The following TMPRSS11D variants were observed in gnomAD, a reference collection of about 807,000 sequenced individuals.
The protein encoded by TMPRSS11D is transmembrane protease serine 11D.
In TMPRSS11D, 32 loss-of-function variants were observed where a neutral mutation model predicts 44.4. The observed-to-expected ratio is 0.72, with a 90% CI of 0.54 to 0.97. TMPRSS11D has a LOEUF of 0.97. Ranked by LOEUF, TMPRSS11D falls within the 50% of genes least tolerant of loss-of-function variation. The pLI, the probability that TMPRSS11D is intolerant of heterozygous loss-of-function variation, is 0.00. For missense variants in TMPRSS11D, 446 were observed against 502.6 expected (o/e 0.89, Z 1.08); for synonymous variants, 179 against 177.9 (o/e 1.01, Z -0.05).
rs557631511 is a variant in TMPRSS11D at position 67,827,045 on chromosome 4, A to G, written c.952+216T>C. Among the ~76,000 whole-genome samples the G allele has an allele frequency of 8.5e-5, 13 of 152,148 alleles. No individual in the cohort carries two copies. In the South Asian group the frequency reaches 2.5e-3, roughly 29 times the overall value. On this transcript the variant is annotated intron_variant, in intron 8 of 9. Coordinates refer to ENST00000283916, the MANE Select transcript of TMPRSS11D (RefSeq NM_004262.3). Reference sequence around the variant, plus strand: ...TCATAACTTTCTTTTACATTTTCCTATTACTATATTTGAGAATTCCCATAG... The same window carrying G: ...TCATAACTTTCTTTTACATTTTCCTGTTACTATATTTGAGAATTCCCATAG...
chr4:67,880,228 G>A (rs1378217607), intron 1 of TMPRSS11D, among the ~76,000 whole-genome samples: 1 of 152,182 alleles, frequency 6.6e-6, no homozygotes, highest in Non-Finnish European at 1.5e-5. Context: ...ATTAATAGAT[G>A]TCTCGTACCA....
At chr4:67,873,829 A>G (rs2109702013) in intron 1 of TMPRSS11D, among the ~76,000 whole-genome samples, 1 of 152,270 alleles carries the variant, frequency 6.6e-6, no homozygotes, top group African/African-American at 2.4e-5. Context: ...CTGAAGGCAT[A>G]ATAGATCCTT....
Position 67,830,444 on chromosome 4 carries a change from G to A in TMPRSS11D, c.692+2760C>T, listed in dbSNP as rs1042809710. Among the ~76,000 whole-genome samples, 81 of 152,010 alleles carry A rather than the reference G, an allele frequency of 5.3e-4. 1 individual carries two copies. The highest frequency in any genetic ancestry group is 1.9e-3 in the African/African-American group (79 of 41,422). ...CCTAAGGGTTGAGTAAAAACAAAAT[G>A]TTACCGATAATACCAATTTAGGAGT... is the stretch of plus-strand genomic sequence containing the variant. On this transcript the variant is annotated intron_variant, in intron 7 of 9. Coordinates refer to ENST00000283916, the MANE Select transcript of TMPRSS11D (RefSeq NM_004262.3).
chr4:67,863,710 CTA>C (rs1422830701), intron 1 of TMPRSS11D, among the ~76,000 whole-genome samples: 1 of 130,792 alleles, frequency 7.6e-6, no homozygotes, highest in Non-Finnish European at 1.7e-5. Context: ...TTAATCGTAA[CTA>C]TTTTAAGCTT....
chr4:67,865,677 A>C (rs564379358), intron 1 of TMPRSS11D, among the ~76,000 whole-genome samples: 2 of 151,954 alleles, frequency 1.3e-5, no homozygotes, highest in East Asian at 3.9e-4. Flanking sequence ...ACCATTAGAC[A>C]CTACTATGAA....
chr4:67,822,344 C>G lies in TMPRSS11D; in HGVS notation c.1250G>C (p.Gly417Ala). The change falls in exon 10 of 10, where the codon GGG becomes GCG. Residue 417 changes from glycine (G) to alanine (A), a missense_variant. Transcript: ENST00000283916. ...AYLDWIRQQTGI is the reference protein window; with the variant it reads ...AYLDWIRQQTAI ...AGGGATGCACTTGTTGCACTAGATC[C>G]CAGTTTGTTGCCTAATCCAGTCAAG... is the stretch of plus-strand genomic sequence containing the variant. 4 of 1,613,666 alleles carry G rather than the reference C, an allele frequency of 2.5e-6. No individual in the cohort carries two copies. Among genetic ancestry groups the G allele is most frequent in the Non-Finnish European group, 3.4e-6 (4 of 1,179,702 alleles).
chr4:67,824,888 G>A (rs1027890226), intron 9 of TMPRSS11D, among the ~76,000 whole-genome samples: 37 of 152,190 alleles, frequency 2.4e-4, no homozygotes, highest in African/African-American at 8.7e-4. Flanking sequence ...CTGCTACTGT[G>A]TGGAGTTGGA....
At chr4:67,868,903 G>A (rs1718990225) in intron 1 of TMPRSS11D, among the ~76,000 whole-genome samples, 1 of 152,192 alleles carries the variant, frequency 6.6e-6, no homozygotes, top group African/African-American at 2.4e-5. Flanking sequence ...GGGGCTATGT[G>A]TGTGGAAAAG....
intron 3 of TMPRSS11D, among the ~76,000 whole-genome samples, chr4:67,843,301 G>T (rs1051640388): frequency 7.9e-5 from 12 of 152,042 alleles, no homozygotes; most frequent in African/African-American, 2.9e-4. Context: ...GGGAAAAGAG[G>T]TGATGGTTAA....
At chr4:67,844,425 T>C (rs1222951908) in intron 3 of TMPRSS11D, among the ~76,000 whole-genome samples, 1 of 152,228 alleles carries the variant, frequency 6.6e-6, no homozygotes, top group African/African-American at 2.4e-5. Flanking sequence ...TTTATCAAAG[T>C]ACTTTATGTT....
At chr4:67,823,751 C>T (rs149130057) in intron 9 of TMPRSS11D, among the ~76,000 whole-genome samples, 1 of 152,238 alleles carries the variant, frequency 6.6e-6, no homozygotes, top group East Asian at 1.9e-4. Flanking sequence ...TGGTCGTCAC[C>T]TGCTTCTTTT....
chr4:67,877,400 C>T (rs1719217742), intron 1 of TMPRSS11D, among the ~76,000 whole-genome samples: 1 of 152,170 alleles, frequency 6.6e-6, no homozygotes, highest in African/African-American at 2.4e-5. Flanking sequence ...TAGGTCTGGT[C>T]TTGCATCTCA....
At chr4:67,863,343 A>AG (rs995299547) in intron 1 of TMPRSS11D, among the ~76,000 whole-genome samples, 2 of 150,642 alleles carry the variant, frequency 1.3e-5, no homozygotes, top group African/African-American at 4.9e-5. Context: ...AAAAAAAAAA[A>AG]AAAGAAAAGA....
chr4:67,856,177 A>C (rs891382957), intron 2 of TMPRSS11D, among the ~76,000 whole-genome samples: 3 of 152,178 alleles, frequency 2.0e-5, no homozygotes, highest in African/African-American at 7.2e-5. Flanking sequence ...AAATAGTCGA[A>C]TCACACCTGA....
chr4:67,844,644 T>C (rs960154886), intron 3 of TMPRSS11D, among the ~76,000 whole-genome samples: 3 of 151,670 alleles, frequency 2.0e-5, no homozygotes, highest in Non-Finnish European at 4.4e-5. Context: ...CCAGGTGTGG[T>C]GGCAGGCACC....
intron 1 of TMPRSS11D, among the ~76,000 whole-genome samples, chr4:67,861,206 T>C (rs9999435): frequency 0.034 from 5,198 of 152,236 alleles, 283 homozygotes; most frequent in African/African-American, 0.12. Flanking sequence ...AAAACTGGCT[T>C]TCCCTGACAT....
chr4:67,850,460 G>C (rs911544533), intron 3 of TMPRSS11D, among the ~76,000 whole-genome samples: 2 of 152,008 alleles, frequency 1.3e-5, no homozygotes, highest in African/African-American at 4.8e-5. Context: ...GGAAAAAAAG[G>C]GTCCCGAGTT....
rs192465409 is a variant in TMPRSS11D, at chr4:67,833,550, G to A, written c.515-169C>T. The A allele has an allele frequency of 1.4e-5, 7 of 518,454 alleles. No homozygotes were observed. The Admixed American group carries it at 3.0e-4, about 22-fold the overall frequency. 32.1% of individuals were successfully genotyped at this position (518,454 alleles called of 1,614,324 possible). ...CGATATATTTCTACAATGCATTTGT[G>A]ACTACTGTTGCTTATAGATAGCATT... On this transcript the variant is annotated intron_variant, in intron 6 of 9. Transcript: ENST00000283916.
chr4:67,823,711 C>T (rs1221679679), intron 9 of TMPRSS11D, among the ~76,000 whole-genome samples: 1 of 152,038 alleles, frequency 6.6e-6, no homozygotes, highest in Admixed American at 6.6e-5. Context: ...GTGTGAAGTG[C>T]CAATATGCAT....
Sources: gnomAD v4.1 joint callset for allele counts (sites outside exome capture counted in the v4.1 genomes callset) on GRCh38, gnomAD v4.1.1 for gene constraint, MANE v1.5 for transcripts, NCBI Gene and HGNC (gene_info 2026-07-23, HGNC 2026-07-21) for gene names.